Variants in MAGI2 observed in about 807,000 individuals in gnomAD.
MAGI2 encodes membrane-associated guanylate kinase, WW and PDZ domain-containing protein 2.
A neutral mutation model predicts 133.3 loss-of-function variants in MAGI2; 35 were observed. The observed-to-expected ratio is 0.26, with a 90% confidence interval of 0.20 to 0.35. MAGI2 has a LOEUF of 0.35. MAGI2 is among the 10% of genes least tolerant of loss of function. MAGI2 has a pLI of 1.00. For missense variants in MAGI2, 1,636 were observed against 1,863.4 expected, an observed-to-expected ratio of 0.88 and a Z score of 2.25; for synonymous variants, 729 against 710.6, an observed-to-expected ratio of 1.03 and a Z score of -0.41.
At chr7:78,557,583 A>G (rs1799961541) in intron 3 of MAGI2, among the ~76,000 whole-genome samples, 1 of 152,158 alleles carries the variant, frequency 6.6e-6, no homozygotes. Context: ...TCTTCTAGCA[A>G]GCTCCTGACC....
chr7:78,736,952 T>C (rs1176376819), intron 2 of MAGI2, among the ~76,000 whole-genome samples: 1 of 152,242 alleles, frequency 6.6e-6, no homozygotes, highest in Non-Finnish European at 1.5e-5. Flanking sequence ...ACCTGTGCAA[T>C]TGTTTGAGTT....
intron 3 of MAGI2, among the ~76,000 whole-genome samples, chr7:78,576,136 C>CAGAAGAA (rs55935191): frequency 6.6e-6 from 1 of 151,096 alleles, no homozygotes; most frequent in Non-Finnish European, 1.5e-5. Flanking sequence ...TCTGTAAATT[C>CAGAAGAA]AGGGCTTTAT....
At chr7:78,623,061 G>T (rs1251514206) in intron 3 of MAGI2, among the ~76,000 whole-genome samples, 1 of 151,980 alleles carries the variant, frequency 6.6e-6, no homozygotes, top group Non-Finnish European at 1.5e-5. Context: ...TTTCAAAAGT[G>T]AATTGGAACC....
chr7:79,259,967 A>T (rs552125022), intron 1 of MAGI2, among the ~76,000 whole-genome samples: 9 of 152,208 alleles, frequency 5.9e-5, no homozygotes, highest in Non-Finnish European at 1.2e-4. Flanking sequence ...TGAGAATCCA[A>T]TGTGTTTGAT....
chr7:79,186,198 A>ATG (rs2129550715), intron 1 of MAGI2, among the ~76,000 whole-genome samples: 1 of 1,084 alleles, frequency 9.2e-4, no homozygotes, highest in Non-Finnish European at 4.6e-3. Context: ...GAAAATATAT[A>ATG]TATATATATA....
intron 2 of MAGI2, among the ~76,000 whole-genome samples, chr7:78,733,234 C>T (rs773568855): frequency 1.3e-5 from 2 of 152,146 alleles, no homozygotes; most frequent in Non-Finnish European, 2.9e-5. Flanking sequence ...CTAGTTCTTA[C>T]TAACATAAAT....
At chr7:79,255,594 A>C (rs1833625233) in intron 1 of MAGI2, among the ~76,000 whole-genome samples, 2 of 152,214 alleles carry the variant, frequency 1.3e-5, no homozygotes, top group African/African-American at 4.8e-5. Flanking sequence ...AAATTTTAGA[A>C]AATAGTACCA....
At chr7:78,219,102 A>G (rs1788549340) in intron 10 of MAGI2, among the ~76,000 whole-genome samples, 1 of 152,040 alleles carries the variant, frequency 6.6e-6, no homozygotes, top group Non-Finnish European at 1.5e-5. Context: ...GATCGTGGAG[A>G]ACGTGCCTCG....
intron 6 of MAGI2, among the ~76,000 whole-genome samples, chr7:78,477,943 C>CT (rs1554432850): frequency 1.3e-5 from 2 of 151,304 alleles, no homozygotes; most frequent in African/African-American, 4.8e-5. Context: ...TTTTATTATA[C>CT]TTTAAGTTCT....
intron 2 of MAGI2, among the ~76,000 whole-genome samples, chr7:78,928,269 G>A (rs761340860): frequency 2.0e-5 from 3 of 151,756 alleles, no homozygotes; most frequent in Non-Finnish European, 1.5e-5. Context: ...AGGCAGATGG[G>A]GCTCATCACC....
intron 6 of MAGI2, among the ~76,000 whole-genome samples, chr7:78,396,931 T>G (rs777563114): frequency 6.6e-6 from 1 of 152,124 alleles, no homozygotes; most frequent in African/African-American, 2.4e-5. Flanking sequence ...TCATGCATAT[T>G]TTCATTTAGC....
At chr7:78,087,364 CA>C (rs1816750215) in intron 20 of MAGI2, among the ~76,000 whole-genome samples, 1 of 152,136 alleles carries the variant, frequency 6.6e-6, no homozygotes, top group African/African-American at 2.4e-5. Context: ...TAATATATGT[CA>C]ACCAGGTTTG....
At chr7:79,065,206 C>A (rs555731427) in intron 1 of MAGI2, among the ~76,000 whole-genome samples, 1 of 152,058 alleles carries the variant, frequency 6.6e-6, no homozygotes, top group African/African-American at 2.4e-5. Flanking sequence ...GGTATCCATT[C>A]CATTATACAG....
At chr7:79,080,745 A>G (rs1258253521) in intron 1 of MAGI2, among the ~76,000 whole-genome samples, 2 of 152,068 alleles carry the variant, frequency 1.3e-5, no homozygotes, top group South Asian at 2.1e-4. Flanking sequence ...TTCACTCTTA[A>G]TATCTAACCC....
intron 9 of MAGI2, among the ~76,000 whole-genome samples, chr7:78,269,226 A>G (rs1467151073): frequency 1.3e-5 from 2 of 152,288 alleles, no homozygotes; most frequent in Admixed American, 6.5e-5. Context: ...TGCTATTGTG[A>G]ACAGTGCCAC....
intron 2 of MAGI2, among the ~76,000 whole-genome samples, chr7:78,743,222 C>G (rs1441750201): frequency 2.0e-5 from 3 of 152,102 alleles, no homozygotes; most frequent in African/African-American, 7.2e-5. Context: ...AGGTCTAGTG[C>G]CTATAAAGAC....
At chr7:79,066,929 TG>T (rs1394711451) in intron 1 of MAGI2, among the ~76,000 whole-genome samples, 3 of 151,978 alleles carry the variant, frequency 2.0e-5, no homozygotes, top group Non-Finnish European at 4.4e-5. Flanking sequence ...AGATGTGTGG[TG>T]TTATTTCTGA....
chr7:78,983,131 G>C (rs555627037), intron 2 of MAGI2, among the ~76,000 whole-genome samples: 1 of 151,972 alleles, frequency 6.6e-6, no homozygotes, highest in East Asian at 1.9e-4. Context: ...AAAAATTAAT[G>C]TCATTGGTTT....
At chr7:78,233,613 A>G (rs1790206864) in intron 10 of MAGI2, among the ~76,000 whole-genome samples, 1 of 152,120 alleles carries the variant, frequency 6.6e-6, no homozygotes, top group African/African-American at 2.4e-5. Context: ...GAAAAGAGAA[A>G]AATCCATGGC....
Sources: gnomAD v4.1 joint callset for allele counts (sites outside exome capture counted in the v4.1 genomes callset) on GRCh38, gnomAD v4.1.1 for gene constraint, MANE v1.5 for transcripts, NCBI Gene and HGNC (gene_info 2026-07-23, HGNC 2026-07-21) for gene names.